Variants in LPP observed in about 807,000 individuals in gnomAD.
LPP encodes LIM domain containing preferred translocation partner in lipoma, also known as lipoma-preferred partner.
LPP carries 38 observed loss-of-function variants against 60.4 expected under a neutral mutation model. That is an observed-to-expected ratio of 0.63 (90% confidence interval 0.49 to 0.83). The LOEUF is 0.83. Among genes scored for constraint, LPP ranks in the 40% least tolerant of loss-of-function variants. LPP has a pLI of 0.00. For missense variants in LPP, 902 were observed against 783.6 expected (o/e 1.15, Z -1.80); for synonymous variants, 328 against 290.8 (o/e 1.13, Z -1.30).
chr3:188,605,132 T>A (rs776701570), intron 6 of LPP, among the ~76,000 whole-genome samples: 5 of 152,156 alleles, frequency 3.3e-5, no homozygotes, highest in Non-Finnish European at 7.3e-5. Flanking sequence ...TGATTAGATT[T>A]GCATTTGCAA....
At chr3:188,364,258 C>G (rs1236160849) in intron 3 of LPP, among the ~76,000 whole-genome samples, 3 of 152,184 alleles carry the variant, frequency 2.0e-5, no homozygotes, top group Non-Finnish European at 2.9e-5. Flanking sequence ...GTCTTCATAT[C>G]TAGTTTCATA....
At chr3:188,533,331 C>G (rs1000247412) in intron 6 of LPP, among the ~76,000 whole-genome samples, 3 of 152,172 alleles carry the variant, frequency 2.0e-5, no homozygotes, top group African/African-American at 7.2e-5. Flanking sequence ...ATGAAAACTA[C>G]AACATGCTGA....
intron 3 of LPP, among the ~76,000 whole-genome samples, chr3:188,384,772 A>G (rs1777805212): frequency 1.1e-5 from 1 of 91,942 alleles, no homozygotes; most frequent in South Asian, 4.2e-4. Context: ...CCTGGGCGAC[A>G]GAGCGAGACT....
chr3:188,350,570 A>C (rs1284518659), intron 3 of LPP, among the ~76,000 whole-genome samples: 2 of 152,166 alleles, frequency 1.3e-5, no homozygotes, highest in Admixed American at 1.3e-4. Context: ...TTTGAACAAG[A>C]TAGTTCTCAG....
chr3:188,458,773 T>C (rs955752697), intron 4 of LPP, among the ~76,000 whole-genome samples: 1 of 149,008 alleles, frequency 6.7e-6, no homozygotes, highest in African/African-American at 2.5e-5. Flanking sequence ...ATTGATCTTG[T>C]GCCTTTTGCA....
chr3:188,274,017 A>G (rs1410676075), intron 2 of LPP, among the ~76,000 whole-genome samples: 1 of 152,186 alleles, frequency 6.6e-6, no homozygotes, highest in East Asian at 1.9e-4. Context: ...CCACCCTTAC[A>G]TGGCTTTATG....
At chr3:188,703,360 G>A (rs967044873) in intron 7 of LPP, among the ~76,000 whole-genome samples, 5 of 152,112 alleles carry the variant, frequency 3.3e-5, no homozygotes, top group East Asian at 1.9e-4. Context: ...AAACACTATC[G>A]AGAGAGAGGT....
intron 1 of LPP, among the ~76,000 whole-genome samples, chr3:188,174,120 C>T (rs1272247284): frequency 6.6e-6 from 1 of 152,192 alleles, no homozygotes; most frequent in Non-Finnish European, 1.5e-5. Context: ...TCAGGAAATT[C>T]TCCCCTTAGA....
chr3:188,389,950 C>G (rs1158541326), intron 3 of LPP, among the ~76,000 whole-genome samples: 1 of 152,160 alleles, frequency 6.6e-6, no homozygotes, highest in Non-Finnish European at 1.5e-5. Context: ...TCCAGGTGAG[C>G]AAACCTGGAG....
At chr3:188,855,913 A>G (rs1422860942) in intron 9 of LPP, among the ~76,000 whole-genome samples, 1 of 152,198 alleles carries the variant, frequency 6.6e-6, no homozygotes, top group Admixed American at 6.5e-5. Context: ...ACTGAGCCAT[A>G]CAGAGTCTCT....
At chr3:188,306,430 A>T (rs1751568056) in intron 2 of LPP, among the ~76,000 whole-genome samples, 1 of 152,100 alleles carries the variant, frequency 6.6e-6, no homozygotes, top group Non-Finnish European at 1.5e-5. Context: ...GAATTGTGGG[A>T]TGAATGGAGC....
intron 9 of LPP, among the ~76,000 whole-genome samples, chr3:188,851,677 G>T (rs1242443331): frequency 6.6e-6 from 1 of 152,150 alleles, no homozygotes; most frequent in African/African-American, 2.4e-5. Context: ...TATATTTCAT[G>T]TGCTATTGTC....
intron 2 of LPP, among the ~76,000 whole-genome samples, chr3:188,278,450 G>C (rs1740776605): frequency 1.3e-5 from 2 of 152,190 alleles, no homozygotes; most frequent in Non-Finnish European, 2.9e-5. Flanking sequence ...CCAGAGACCT[G>C]CTGTGTGTGC....
chr3:188,770,165 A>ATTATTTTTTTTTTTTTTTTTTTTTT (rs1560181309), intron 9 of LPP, among the ~76,000 whole-genome samples: 1 of 122,986 alleles, frequency 8.1e-6, no homozygotes, highest in African/African-American at 3.2e-5. Context: ...CATAGTTATA[A>ATTATTTTTTTTTTTTTTTTTTTTTT]TTCTTTTTTT....
At chr3:188,527,348 G>GAAAAAAA (rs57075465) in intron 6 of LPP, among the ~76,000 whole-genome samples, 1 of 73,680 alleles carries the variant, frequency 1.4e-5, no homozygotes, top group African/African-American at 4.9e-5. Context: ...GACTCCATCT[G>GAAAAAAA]AAAAAAAAAA....
At chr3:188,236,090 AAGAC>A (rs1170022479) in intron 2 of LPP, among the ~76,000 whole-genome samples, 1 of 152,178 alleles carries the variant, frequency 6.6e-6, no homozygotes, top group Non-Finnish European at 1.5e-5. Context: ...TGTTAAAAAA[AAGAC>A]AGAAAAATTA....
intron 7 of LPP, among the ~76,000 whole-genome samples, chr3:188,698,489 G>A (rs79818920): frequency 0.014 from 2,140 of 152,064 alleles, 38 homozygotes; most frequent in African/African-American, 0.049. Context: ...TCACCCCACC[G>A]AGAAAACTCG....
At chr3:188,623,513 C>A (rs1846210850) in intron 7 of LPP, among the ~76,000 whole-genome samples, 1 of 152,088 alleles carries the variant, frequency 6.6e-6, no homozygotes, top group African/African-American at 2.4e-5. Flanking sequence ...CCGCCTTGGC[C>A]CCCCAAAGTC....
intron 2 of LPP, among the ~76,000 whole-genome samples, chr3:188,238,182 T>C (rs1722577305): frequency 6.6e-6 from 1 of 152,168 alleles, no homozygotes; most frequent in Non-Finnish European, 1.5e-5. Flanking sequence ...TTTCCTCACT[T>C]CTTTTTGCCT....
Sources: allele counts gnomAD v4.1 joint callset (sites outside exome capture counted in the v4.1 genomes callset), GRCh38; gene constraint gnomAD v4.1.1; transcripts MANE v1.5; gene names NCBI Gene and HGNC (gene_info 2026-07-23, HGNC 2026-07-21).